The following TAFA5 variants were observed in gnomAD, a reference collection of about 807,000 sequenced individuals.
TAFA5 encodes chemokine-like protein TAFA-5.
TAFA5 carries 6 observed loss-of-function variants against 15.3 expected under a neutral mutation model. That is an observed-to-expected ratio of 0.39 (90% CI 0.21 to 0.77). The LOEUF (loss-of-function observed/expected upper bound fraction) is 0.77, where lower values mean the gene tolerates loss of function less well. Among genes scored for constraint, TAFA5 ranks in the 30% least tolerant of loss-of-function variants. TAFA5 has a pLI of 0.41. For synonymous variants in TAFA5, 103 were observed against 80.7 expected (o/e 1.28, Z -1.48); for missense variants, 161 against 193.1 (o/e 0.83, Z 0.98).
At position 48,562,534 on chromosome 22, in the gene TAFA5, G is replaced by GT. The variant is rs1383895621; in HGVS notation, c.112+72831dup. On this transcript the variant is annotated intron_variant, in intron 1 of 3. Transcript: ENST00000402357. ...GCCTGTGACTCAGAGAGGCAGCCCC[G>GT]TATCAGCAGCAAGCCCAGTCCTCCC... Among the ~76,000 whole-genome samples the GT allele has an allele frequency of 2.7e-5, 4 of 149,324 alleles. No homozygotes were observed. In the East Asian group the frequency reaches 6.2e-4, roughly 23 times the overall value.
intron 1 of TAFA5, among the ~76,000 whole-genome samples, chr22:48,621,844 G>A (rs1248583638): frequency 2.0e-5 from 3 of 152,142 alleles, no homozygotes; most frequent in Non-Finnish European, 2.9e-5. Context: ...CGCTGGGGAT[G>A]GGGAGAAGCC....
At chr22:48,624,189 A>G (rs1290854791) in intron 1 of TAFA5, among the ~76,000 whole-genome samples, 1 of 152,164 alleles carries the variant, frequency 6.6e-6, no homozygotes, top group East Asian at 1.9e-4. Flanking sequence ...TGCTTTCCCC[A>G]TGATTAGAAT....
At chr22:48,548,654 G>A (rs909486367) in intron 1 of TAFA5, among the ~76,000 whole-genome samples, 1 of 152,158 alleles carries the variant, frequency 6.6e-6, no homozygotes, top group South Asian at 2.1e-4. Flanking sequence ...TTTCACAGGG[G>A]CAGGCCCAGC....
chr22:48,512,604 T>C (rs1450465104), intron 1 of TAFA5, among the ~76,000 whole-genome samples: 18 of 144,984 alleles, frequency 1.2e-4, no homozygotes, highest in East Asian at 1.0e-3. Context: ...CCAGCCTGGG[T>C]GATAGAGCGA....
At chr22:48,737,519 G>A (rs748773164) in intron 3 of TAFA5, among the ~76,000 whole-genome samples, 2 of 152,296 alleles carry the variant, frequency 1.3e-5, no homozygotes, top group East Asian at 1.9e-4. Flanking sequence ...GATGCCAGCC[G>A]GGGTCTTCTC....
At chr22:48,641,606 C>T (rs1252850643) in intron 1 of TAFA5, among the ~76,000 whole-genome samples, 5 of 149,888 alleles carry the variant, frequency 3.3e-5, no homozygotes, top group Admixed American at 1.3e-4. Context: ...ACACGCCCTC[C>T]GCTCGCACAC....
chr22:48,678,489 G>T (rs5771710), intron 2 of TAFA5, among the ~76,000 whole-genome samples: 1 of 151,966 alleles, frequency 6.6e-6, no homozygotes, highest in African/African-American at 2.4e-5. Flanking sequence ...TCCAGGGAAG[G>T]GCTTCAAACA....
intron 1 of TAFA5, among the ~76,000 whole-genome samples, chr22:48,503,554 C>T (rs1324704266): frequency 6.6e-6 from 1 of 152,246 alleles, no homozygotes; most frequent in African/African-American, 2.4e-5. Flanking sequence ...GCTTCCCAGT[C>T]TGTCTCAGCA....
In TAFA5 at chr22:48,640,660, C is replaced by T. The variant is rs542807853; in HGVS notation, c.113-5937C>T. Among the ~76,000 whole-genome samples, 14 of 152,298 alleles carry T rather than the reference C, an allele frequency of 9.2e-5. No individual in the cohort carries two copies. In the South Asian group the frequency reaches 1.5e-3, roughly 16 times the overall value. ...TGTGCAAGCTCCCCCAGCCACATGGCGCACAGATGGTGCCCGGCTCACACC... is the reference window on the plus strand; with the variant it reads ...TGTGCAAGCTCCCCCAGCCACATGGTGCACAGATGGTGCCCGGCTCACACC... On this transcript the variant is annotated intron_variant, in intron 1 of 3. Transcript: ENST00000402357.
intron 1 of TAFA5, among the ~76,000 whole-genome samples, chr22:48,549,500 A>G (rs972293604): frequency 6.6e-6 from 1 of 152,198 alleles, no homozygotes; most frequent in Admixed American, 6.5e-5. Context: ...TTTAAATCTT[A>G]TTCATGGTAT....
chr22:48,629,906 T>C (rs1018335096), intron 1 of TAFA5, among the ~76,000 whole-genome samples: 3 of 152,198 alleles, frequency 2.0e-5, no homozygotes, highest in African/African-American at 7.2e-5. Context: ...TGCGGGCACC[T>C]GGGAAATTGG....
chr22:48,698,934 CTT>C (rs745562520), intron 2 of TAFA5, among the ~76,000 whole-genome samples: 2 of 94,708 alleles, frequency 2.1e-5, no homozygotes, highest in Non-Finnish European at 2.0e-5. Flanking sequence ...TGTGGCAATG[CTT>C]TTTTTTTTTT....
chr22:48,690,974 G>A (rs908608337), intron 2 of TAFA5, among the ~76,000 whole-genome samples: 3 of 152,176 alleles, frequency 2.0e-5, no homozygotes, highest in African/African-American at 7.2e-5. Context: ...CACAGCATCT[G>A]CCTGGAAGCA....
chr22:48,720,407 G>A (rs371099230), intron 3 of TAFA5, among the ~76,000 whole-genome samples: 7 of 152,244 alleles, frequency 4.6e-5, no homozygotes, highest in South Asian at 2.1e-4. Flanking sequence ...CTCGAGAATC[G>A]CTGGAGGGGT....
Position 48,721,638 on chromosome 22 carries a change from A to G in TAFA5, c.390+13794A>G, listed in dbSNP as rs536132934. Among the ~76,000 whole-genome samples, 15 of 152,362 alleles carry G rather than the reference A, an allele frequency of 9.8e-5. No individual in the cohort carries two copies. The South Asian group carries it at 1.9e-3, about 19-fold the overall frequency. ...TTTGAGATTAATTTCTTTGTAAAGGACAAAGATGAACTTATTCCTTCCTGA... is the reference window on the plus strand; with the variant it reads ...TTTGAGATTAATTTCTTTGTAAAGGGCAAAGATGAACTTATTCCTTCCTGA... On this transcript the variant is annotated intron_variant, in intron 3 of 3. Transcript: ENST00000402357.
At chr22:48,700,463 C>G (rs976896876) in intron 2 of TAFA5, among the ~76,000 whole-genome samples, 3 of 152,144 alleles carry the variant, frequency 2.0e-5, no homozygotes, top group Admixed American at 1.3e-4. Context: ...TGAAAAAGAA[C>G]GGTCTCAGGA....
At chr22:48,558,551 G>A (rs1050691074) in intron 1 of TAFA5, among the ~76,000 whole-genome samples, 4 of 152,196 alleles carry the variant, frequency 2.6e-5, no homozygotes, top group Non-Finnish European at 4.4e-5. Flanking sequence ...TCTCTCTCCT[G>A]CCATCCATGT....
At chr22:48,645,882 C>T (rs1926842181) in intron 1 of TAFA5, among the ~76,000 whole-genome samples, 1 of 152,162 alleles carries the variant, frequency 6.6e-6, no homozygotes, top group Admixed American at 6.5e-5. Context: ...GTGGCTCACT[C>T]CAGGGGTGTG....
At chr22:48,694,819 G>A (rs2337316) in intron 2 of TAFA5, among the ~76,000 whole-genome samples, 52 of 25,256 alleles carry the variant, frequency 2.1e-3, no homozygotes, top group Middle Eastern at 0.023. Context: ...CCCACCCGCC[G>A]CCGCTCCGAC....
Sources: gnomAD v4.1 joint callset for allele counts (sites outside exome capture counted in the v4.1 genomes callset) on GRCh38, gnomAD v4.1.1 for gene constraint, MANE v1.5 for transcripts, NCBI Gene and HGNC (gene_info 2026-07-23, HGNC 2026-07-21) for gene names.